The following RELN variants were observed in gnomAD, a reference collection of about 807,000 sequenced individuals.
The protein encoded by RELN is reelin.
Under a neutral mutation model 427.6 loss-of-function variants are expected in RELN, and 108 were observed. The ratio of observed to expected loss-of-function variants is 0.25; its 90% confidence interval spans 0.22 to 0.30. RELN has a LOEUF of 0.30. Ranked by LOEUF, RELN falls within the 10% of genes least tolerant of loss-of-function variation. The pLI, the probability that RELN is intolerant of heterozygous loss-of-function variation, is 1.00. For synonymous variants in RELN, 1,524 were observed against 1,513.4 expected, an observed-to-expected ratio of 1.01 and a Z score of -0.16; for missense variants, 3,715 against 4,302.8, an observed-to-expected ratio of 0.86 and a Z score of 3.82.
chr7:103,632,489 A>G (rs1832491568), intron 19 of RELN, among the ~76,000 whole-genome samples: 1 of 152,238 alleles, frequency 6.6e-6, no homozygotes, highest in Non-Finnish European at 1.5e-5. Flanking sequence ...TGCTAATGCC[A>G]GGATTTGGAC....
intron 20 of RELN, among the ~76,000 whole-genome samples, chr7:103,629,324 G>A (rs1475857420): frequency 1.3e-5 from 2 of 152,068 alleles, no homozygotes; most frequent in East Asian, 3.9e-4. Flanking sequence ...ACCACAGGAG[G>A]AAAAATCTAA....
At chr7:103,822,087 G>A (rs777344862) in intron 3 of RELN, among the ~76,000 whole-genome samples, 24 of 151,980 alleles carry the variant, frequency 1.6e-4, no homozygotes, top group Admixed American at 9.2e-4. Context: ...AATATGCACT[G>A]ATTTAATGTT....
rs573495897 is a variant in RELN at position 103,603,071 on chromosome 7, G to A, written c.3333+233C>T. 6.6e-6 allele frequency among the ~76,000 whole-genome samples: 1 copy of A among 152,142 alleles called. No individual in the cohort carries two copies. Among genetic ancestry groups the A allele is most frequent in the Non-Finnish European group, 1.5e-5 (1 of 68,036 alleles). Reference sequence around the variant, plus strand: ...AATGGTATTTAAATCAGGTACAGGAGGGTAGAAGTTTTAAACTGGCTTAAC... The same window carrying A: ...AATGGTATTTAAATCAGGTACAGGAAGGTAGAAGTTTTAAACTGGCTTAAC... On this transcript the variant is annotated intron_variant, in intron 24 of 64. Coordinates refer to ENST00000428762, the MANE Select transcript of RELN (RefSeq NM_005045.4). The surrounding 1 kb of genome is among the most constrained non-coding windows in gnomAD (Gnocchi z 4.3).
chr7:103,579,617 A>G (rs1226456897), intron 28 of RELN, among the ~76,000 whole-genome samples: 4 of 151,546 alleles, frequency 2.6e-5, no homozygotes, highest in African/African-American at 9.7e-5. Flanking sequence ...AAAAAAAAAA[A>G]GTACGTCACA....
chr7:103,677,333 C>G (rs28862664), intron 11 of RELN, among the ~76,000 whole-genome samples: 7,418 of 150,422 alleles, frequency 0.049, 641 homozygotes, highest in African/African-American at 0.17. Flanking sequence ...ATGGGTGCAG[C>G]AAACCACCAT....
rs35879785 is a variant in RELN, at chr7:103,511,699, T to TAA, written c.8120-696_8120-695dup. Among the ~76,000 whole-genome samples the TAA allele has an allele frequency of 1.0e-3, 153 of 150,142 alleles. 2 individuals carry two copies. The East Asian group carries it at 0.024, about 23-fold the overall frequency. The stretch of plus-strand genomic sequence containing the variant: ...GGCAACATAGTGAGATCCTGACTGT[T>TAA]AAAAAAAAAATTAGCTGGAGTGGTG... On this transcript the variant is annotated intron_variant, in intron 50 of 64. Transcript: ENST00000428762.
chr7:103,705,281 T>C (rs1410889963), intron 8 of RELN, among the ~76,000 whole-genome samples: 1 of 152,160 alleles, frequency 6.6e-6, no homozygotes, highest in Non-Finnish European at 1.5e-5. Context: ...TTAGAAGTAT[T>C]GATTTTCCAG....
At chr7:103,519,255 C>T (rs191665878) in intron 49 of RELN, 68 bp downstream of exon 49, 75 of 1,230,170 alleles carry the variant, frequency 6.1e-5, no homozygotes, top group African/African-American at 2.5e-4. Flanking sequence ...CTCAGTCTCC[C>T]GTGACTGATT....
intron 12 of RELN, among the ~76,000 whole-genome samples, chr7:103,658,938 A>G (rs573214337): frequency 6.6e-6 from 1 of 151,596 alleles, no homozygotes; most frequent in Admixed American, 6.6e-5. Flanking sequence ...GTTCTTTCTC[A>G]GTCTCCTTTA....
chr7:103,693,041 G>T (rs1219200197), intron 10 of RELN, among the ~76,000 whole-genome samples: 1 of 152,002 alleles, frequency 6.6e-6, no homozygotes, highest in Non-Finnish European at 1.5e-5. Flanking sequence ...AGGAGATGAG[G>T]ATGAAAATTA....
At chr7:103,637,975 C>A (rs1832618923) in intron 17 of RELN, among the ~76,000 whole-genome samples, 2 of 152,086 alleles carry the variant, frequency 1.3e-5, no homozygotes, top group South Asian at 4.1e-4. Flanking sequence ...ATTGGAGTCA[C>A]TTTCCATTTA....
chr7:103,489,008 C>T (rs76735014), intron 60 of RELN, among the ~76,000 whole-genome samples: 2,226 of 152,212 alleles, frequency 0.015, 48 homozygotes, highest in African/African-American at 0.051. Context: ...CTATGGAAAG[C>T]GAACTTTGTA....
intron 2 of RELN, among the ~76,000 whole-genome samples, chr7:103,890,926 A>G (rs990620204): frequency 2.0e-5 from 3 of 152,124 alleles, no homozygotes; most frequent in South Asian, 4.1e-4. Context: ...AAATACAAAA[A>G]TTAGCTGGGC....
At chr7:103,803,180 C>T (rs924402714) in intron 3 of RELN, among the ~76,000 whole-genome samples, 2 of 152,196 alleles carry the variant, frequency 1.3e-5, no homozygotes, top group African/African-American at 2.4e-5. Flanking sequence ...AAATACTCCA[C>T]CTTTACTCCT....
intron 1 of RELN, among the ~76,000 whole-genome samples, chr7:103,927,425 G>C (rs1795769599): frequency 2.0e-5 from 3 of 152,114 alleles, no homozygotes; most frequent in African/African-American, 7.2e-5. Context: ...TCAAATAAAT[G>C]ACGTTCAGGT....
intron 8 of RELN, among the ~76,000 whole-genome samples, chr7:103,714,480 G>A (rs1425222859): frequency 2.0e-5 from 3 of 152,166 alleles, no homozygotes; most frequent in South Asian, 2.1e-4. Flanking sequence ...TGGCTACATA[G>A]GGAATGCGGT....
intron 1 of RELN, among the ~76,000 whole-genome samples, chr7:103,960,916 G>A (rs11762492): frequency 0.17 from 25,439 of 152,156 alleles, 2,375 homozygotes; most frequent in Middle Eastern, 0.33. Flanking sequence ...TTTACTCTTT[G>A]GAAATCACTA....
At chr7:103,578,121 C>A (rs1584312540) in intron 28 of RELN, among the ~76,000 whole-genome samples, 1 of 152,158 alleles carries the variant, frequency 6.6e-6, no homozygotes, top group East Asian at 1.9e-4. Flanking sequence ...AATCCTTTGA[C>A]CTGTCTCTGA....
chr7:103,909,984 T>C (rs1325093918), intron 2 of RELN, among the ~76,000 whole-genome samples: 1 of 141,872 alleles, frequency 7.0e-6, no homozygotes, highest in African/African-American at 2.7e-5. Context: ...TGGCATTGAA[T>C]CTGTAAATTA....
Sources: gnomAD v4.1 joint callset for allele counts (sites outside exome capture counted in the v4.1 genomes callset) on GRCh38, gnomAD v4.1.1 for gene constraint, Gnocchi (gnomAD v3.1) non-coding constraint, MANE v1.5 for transcripts, NCBI Gene and HGNC (gene_info 2026-07-23, HGNC 2026-07-21) for gene names.